NPHP4: variants seen among roughly 807,000 people sequenced by gnomAD.
The protein encoded by NPHP4 is nephrocystin 4.
Under a neutral mutation model 155.8 loss-of-function variants are expected in NPHP4, and 151 were observed. The ratio of observed to expected loss-of-function variants is 0.97; its 90% confidence interval spans 0.85 to 1.11. The LOEUF is 1.11. NPHP4 is among the 50% of genes least tolerant of loss of function. The pLI, the probability that NPHP4 is intolerant of heterozygous loss-of-function variation, is 0.00. For missense variants in NPHP4, 1,956 were observed against 1,925.7 expected (o/e 1.02, Z -0.29); for synonymous variants, 845 against 816.8 (o/e 1.03, Z -0.59).
chr1:5,903,659 T>C (rs541270601), intron 16 of NPHP4, among the ~76,000 whole-genome samples: 3 of 152,314 alleles, frequency 2.0e-5, no homozygotes, highest in Admixed American at 6.5e-5. Flanking sequence ...AATCATGTAA[T>C]TACTTCAGAA....
intron 6 of NPHP4, 89 bp downstream of exon 6, chr1:5,961,705 C>A (rs1304213987): frequency 7.6e-7 from 1 of 1,323,856 alleles, no homozygotes; most frequent in African/African-American, 1.5e-5. Context: ...GCCCACGCTG[C>A]CCCCAGAAGA....
chr1:5,964,917 T>TTA (rs4068402), intron 5 of NPHP4, among the ~76,000 whole-genome samples: 4,168 of 82,426 alleles, frequency 0.051, 439 homozygotes, highest in Middle Eastern at 0.075. Context: ...TACATATATA[T>TTA]TATATATATA....
intron 2 of NPHP4, among the ~76,000 whole-genome samples, chr1:5,985,731 A>G (rs539298944): frequency 6.6e-6 from 1 of 152,220 alleles, no homozygotes; most frequent in Non-Finnish European, 1.5e-5. Flanking sequence ...GGTAATGGGT[A>G]TGGTGGTATA....
chr1:5,871,960 C>G (rs1158687641), intron 23 of NPHP4, among the ~76,000 whole-genome samples: 2 of 152,204 alleles, frequency 1.3e-5, no homozygotes, highest in Non-Finnish European at 2.9e-5. Flanking sequence ...TAGGATTTCC[C>G]TTCAAACTCC....
intron 1 of NPHP4, among the ~76,000 whole-genome samples, chr1:5,988,726 C>T (rs1012315771): frequency 6.6e-6 from 1 of 151,876 alleles, no homozygotes; most frequent in Non-Finnish European, 1.5e-5. Context: ...GAGGACATGA[C>T]CAGGCAGCCT....
intron 10 of NPHP4, among the ~76,000 whole-genome samples, chr1:5,930,299 A>G (rs1646210681): frequency 6.6e-6 from 1 of 151,908 alleles, no homozygotes; most frequent in African/African-American, 2.4e-5. Flanking sequence ...TTTGTTTTCA[A>G]TTTCATTGGT....
chr1:5,932,525 C>T (rs957344886), intron 10 of NPHP4, among the ~76,000 whole-genome samples: 1 of 152,148 alleles, frequency 6.6e-6, no homozygotes, highest in Non-Finnish European at 1.5e-5. Context: ...CCCTGGGTCA[C>T]CGCTAACCAT....
chr1:5,943,145 G>A (rs766802259), intron 9 of NPHP4, among the ~76,000 whole-genome samples: 2 of 152,190 alleles, frequency 1.3e-5, no homozygotes, highest in Admixed American at 6.5e-5. Flanking sequence ...CTACTTCTTT[G>A]GTAGTTTCTT....
chr1:5,975,259 T>C (rs1203696553), intron 3 of NPHP4, among the ~76,000 whole-genome samples: 1 of 152,234 alleles, frequency 6.6e-6, no homozygotes, highest in African/African-American at 2.4e-5. Context: ...ACCTTTGCTC[T>C]GTATGAGAAT....
intron 1 of NPHP4, among the ~76,000 whole-genome samples, chr1:5,988,855 G>A (rs113349333): frequency 0.045 from 6,851 of 151,824 alleles, 222 homozygotes; most frequent in African/African-American, 0.098. Context: ...TTGGCCCAGC[G>A]TCCCGCCTCC....
chr1:5,985,603 T>A (rs1655356046), intron 2 of NPHP4, among the ~76,000 whole-genome samples: 1 of 152,224 alleles, frequency 6.6e-6, no homozygotes, highest in African/African-American at 2.4e-5. Context: ...GTTTTTAAAT[T>A]GCTCCACTGT....
intron 18 of NPHP4, among the ~76,000 whole-genome samples, chr1:5,884,847 T>C (rs562831099): frequency 4.3e-5 from 6 of 139,162 alleles, no homozygotes; most frequent in African/African-American, 1.1e-4. Flanking sequence ...CCAAGATCAC[T>C]GCCCAAGCTC....
At chr1:5,943,918 C>A (rs140318186) in intron 9 of NPHP4, among the ~76,000 whole-genome samples, 1 of 151,808 alleles carries the variant, frequency 6.6e-6, no homozygotes, top group South Asian at 2.1e-4. Context: ...CCAGGTGGAA[C>A]GGGACGGGAG....
At chr1:5,918,674 C>T (rs1387052107) in intron 11 of NPHP4, among the ~76,000 whole-genome samples, 1 of 152,204 alleles carries the variant, frequency 6.6e-6, no homozygotes, top group Non-Finnish European at 1.5e-5. Flanking sequence ...AGGAAGGAAT[C>T]TAATCACAGG....
At position 5,887,646 on chromosome 1, in the gene NPHP4, C is replaced by T. The variant is rs577546105; in HGVS notation, c.2305-180G>A. ...GAGGGGGCGGCGAGCCAGGCGCCAA[C>T]GTCTTAAAGCAGGACTCCTTATTAC... On this transcript the variant is annotated intron_variant, in intron 17 of 29. Coordinates refer to ENST00000378156, the MANE Select transcript of NPHP4 (RefSeq NM_015102.5). Among the ~76,000 whole-genome samples, 4 of 152,322 alleles carry T rather than the reference C, an allele frequency of 2.6e-5. No individual in the cohort carries two copies. In the East Asian group the frequency reaches 5.8e-4, roughly 22 times the overall value.
chr1:5,907,955 G>A (rs555165929), intron 12 of NPHP4, among the ~76,000 whole-genome samples: 3 of 152,324 alleles, frequency 2.0e-5, no homozygotes, highest in East Asian at 3.9e-4. Flanking sequence ...AGGGCTGGGG[G>A]CCCACGCACT....
At chr1:5,949,027 G>C (rs765880064) in intron 7 of NPHP4, among the ~76,000 whole-genome samples, 3 of 151,976 alleles carry the variant, frequency 2.0e-5, no homozygotes, top group Non-Finnish European at 4.4e-5. Flanking sequence ...ATTAGTCTTT[G>C]GATAACGAAA....
chr1:5,944,260 A>AGG lies in NPHP4; in HGVS notation c.1119+2843_1119+2844insCC, dbSNP rs1646970373. Among the ~76,000 whole-genome samples, 2 of 152,040 alleles carry AGG rather than the reference A, an allele frequency of 1.3e-5. No homozygotes were observed. Among genetic ancestry groups the AGG allele is most frequent in the African/African-American group, 4.8e-5 (2 of 41,360 alleles). ...ACCACGCAGGGTCCTCACCAAAGAC[A>AGG]AGGAGGAGGACGCTGCAGCCGGAAG... On this transcript the variant is annotated intron_variant, in intron 9 of 29. Coordinates refer to ENST00000378156, the MANE Select transcript of NPHP4 (RefSeq NM_015102.5). The surrounding 1 kb of genome is among the most constrained non-coding windows in gnomAD (Gnocchi z 4.3).
intron 11 of NPHP4, among the ~76,000 whole-genome samples, chr1:5,920,488 T>A (rs921180016): frequency 3.3e-5 from 5 of 152,274 alleles, no homozygotes; most frequent in African/African-American, 1.2e-4. Flanking sequence ...TACGTACATG[T>A]GGTCGCTTCC....
Sources: allele counts gnomAD v4.1 joint callset (sites outside exome capture counted in the v4.1 genomes callset), GRCh38; gene constraint gnomAD v4.1.1; non-coding constraint Gnocchi (gnomAD v3.1); transcripts MANE v1.5; gene names NCBI Gene and HGNC (gene_info 2026-07-23, HGNC 2026-07-21).